KIF26B: variants seen among roughly 807,000 people sequenced by gnomAD.
KIF26B encodes the protein kinesin family member 26B, also known as kinesin-like protein KIF26B.
Under a neutral mutation model 151.2 loss-of-function variants are expected in KIF26B, and 63 were observed. The observed-to-expected ratio is 0.42, with a 90% CI of 0.34 to 0.51. The LOEUF (loss-of-function observed/expected upper bound fraction) is 0.51. Among genes scored for constraint, KIF26B ranks in the 20% least tolerant of loss-of-function variants. The pLI is 0.07. For synonymous variants in KIF26B, 1,357 were observed against 1,262.1 expected (o/e 1.08, Z -1.59); for missense variants, 2,813 against 2,913.6 (o/e 0.97, Z 0.79).
At chr1:245,401,549 C>T (rs1674000711) in intron 3 of KIF26B, among the ~76,000 whole-genome samples, 1 of 152,190 alleles carries the variant, frequency 6.6e-6, no homozygotes, top group South Asian at 2.1e-4. Context: ...GTTCTTATTA[C>T]TCCAGCTTCC....
At position 245,605,802 on chromosome 1, in the gene KIF26B, G is replaced by A. The variant is rs187923626; in HGVS notation, c.1558-1849G>A. 2.5e-3 allele frequency among the ~76,000 whole-genome samples: 386 copies of A among 152,254 alleles called. 2 individuals are homozygous for A. Among genetic ancestry groups the A allele is most frequent in the Non-Finnish European group, 4.1e-3 (281 of 68,002 alleles). On this transcript the variant is annotated intron_variant, in intron 6 of 14. Coordinates refer to ENST00000407071, the MANE Select transcript of KIF26B (RefSeq NM_018012.4). The stretch of plus-strand genomic sequence containing the variant: ...GCTCTTCTCAGTGGAGAGCCGGGTG[G>A]GAACTGTGCCAGGGGATGCCGCCCC...
chr1:245,537,232 C>G (rs1661507990), intron 4 of KIF26B, among the ~76,000 whole-genome samples: 1 of 152,178 alleles, frequency 6.6e-6, no homozygotes, highest in African/African-American at 2.4e-5. Flanking sequence ...GACTCAAGAG[C>G]CTGTGCAAAG....
intron 4 of KIF26B, among the ~76,000 whole-genome samples, chr1:245,442,761 C>G (rs987598983): frequency 7.6e-6 from 1 of 131,608 alleles, no homozygotes; most frequent in Non-Finnish European, 1.6e-5. Context: ...TCACCTACAG[C>G]GGTCATCTCC....
chr1:245,160,612 A>G (rs550759980), intron 2 of KIF26B, among the ~76,000 whole-genome samples: 1 of 152,282 alleles, frequency 6.6e-6, no homozygotes, highest in East Asian at 1.9e-4. Flanking sequence ...AGGTTATCAG[A>G]CATCTGTTCA....
chr1:245,263,419 A>C (rs1432952001), intron 2 of KIF26B, among the ~76,000 whole-genome samples: 10 of 152,174 alleles, frequency 6.6e-5, no homozygotes, highest in Non-Finnish European at 1.2e-4. Flanking sequence ...CTCACTCAGT[A>C]GTCATAATGT....
At chr1:245,155,672 GCT>G (rs896026560) in intron 1 of KIF26B, among the ~76,000 whole-genome samples, 185 bp downstream of exon 1, 2 of 152,214 alleles carry the variant, frequency 1.3e-5, no homozygotes, top group Non-Finnish European at 2.9e-5. Context: ...CGCTCGCCTC[GCT>G]CTCGGAATTT....
At chr1:245,277,486 G>A (rs1347235958) in intron 2 of KIF26B, among the ~76,000 whole-genome samples, 1 of 152,202 alleles carries the variant, frequency 6.6e-6, no homozygotes, top group African/African-American at 2.4e-5. Context: ...CCCTGCAGGT[G>A]CCCTGTGGGC....
chr1:245,279,256 C>T (rs1573748733), intron 2 of KIF26B, among the ~76,000 whole-genome samples: 2 of 151,866 alleles, frequency 1.3e-5, no homozygotes, highest in East Asian at 3.9e-4. Flanking sequence ...GGCACTCACA[C>T]TCATCAGCAG....
At chr1:245,161,557 T>C (rs1203359189) in intron 2 of KIF26B, among the ~76,000 whole-genome samples, 2 of 152,260 alleles carry the variant, frequency 1.3e-5, no homozygotes, top group African/African-American at 2.4e-5. Context: ...GGGCCAACAA[T>C]AGCGATGATA....
At chr1:245,314,926 AT>A (rs1671734992) in intron 2 of KIF26B, among the ~76,000 whole-genome samples, 1 of 152,228 alleles carries the variant, frequency 6.6e-6, no homozygotes, top group South Asian at 2.1e-4. Context: ...CACGCCTGTA[AT>A]CCCAGCACTT....
In KIF26B at chr1:245,607,667, G is replaced by A. The variant is rs768486000; in HGVS notation, c.1574G>A (p.Gly525Asp). Residue 525 changes from glycine to aspartate, a missense_variant, in exon 7 of 15, where the codon GGC (glycine) becomes GAC (aspartate). Around this residue, in one of 3 missense-constraint regions of KIF26B, gnomAD observed 77 missense variants for 136.9 expected, o/e 0.56. Coordinates refer to ENST00000407071, the MANE Select transcript of KIF26B (RefSeq NM_018012.4). ...GTCTGACAGGCTGAAGTGTGTGCAG[G>A]CACCGTGGCAGAGGTGATCCAGTCT... ...QDASQAEVCAGTVAEVIQSVV... is the reference protein window; with the variant it reads ...QDASQAEVCADTVAEVIQSVV... 8 of 1,611,614 alleles carry A rather than the reference G, an allele frequency of 5.0e-6. No individual in the cohort carries two copies. Among genetic ancestry groups the A allele is most frequent in the Non-Finnish European group, 6.8e-6 (8 of 1,179,004 alleles).
At chr1:245,677,030 C>G (rs529896176) in intron 10 of KIF26B, among the ~76,000 whole-genome samples, 1 of 152,192 alleles carries the variant, frequency 6.6e-6, no homozygotes, top group Non-Finnish European at 1.5e-5. Flanking sequence ...CTGCTTGCAC[C>G]TCAGGGTTCT....
At chr1:245,394,879 A>G (rs1673792935) in intron 3 of KIF26B, among the ~76,000 whole-genome samples, 1 of 151,920 alleles carries the variant, frequency 6.6e-6, no homozygotes, top group African/African-American at 2.4e-5. Flanking sequence ...TATAGTAGAG[A>G]TGGGATTTCA....
chr1:245,519,744 G>A (rs906881675), intron 4 of KIF26B, among the ~76,000 whole-genome samples: 6 of 152,234 alleles, frequency 3.9e-5, no homozygotes, highest in African/African-American at 1.4e-4. Context: ...GTACTGAATA[G>A]TGTAGCCATT....
Position 245,540,802 on chromosome 1 carries a change from A to C in KIF26B, c.1202A>C (p.Lys401Thr). 1 of 1,614,034 alleles carries C rather than the reference A, an allele frequency of 6.2e-7. No homozygotes were observed. Among genetic ancestry groups the C allele is most frequent in the South Asian group, 1.1e-5 (1 of 91,086 alleles). The stretch of plus-strand genomic sequence containing the variant: ...AAGTTAAATCTGTCTTCTAAAAAGA[A>C]GAAACATCGGCCTTCCACTTCTTCC... ...AQKLNLSSKK[K>T]KHRPSTSSAA... Residue 401 changes from lysine to threonine, a missense_variant, in exon 5 of 15, where the codon AAG becomes ACG. Lys to Thr is a moderately conservative substitution (Grantham distance 78, BLOSUM62 -1). Coordinates refer to ENST00000407071, the MANE Select transcript of KIF26B (RefSeq NM_018012.4). The surrounding 1 kb of genome is among the most constrained non-coding windows in gnomAD (Gnocchi z 4.6).
At chr1:245,696,945 A>G (rs374441546) in intron 12 of KIF26B, among the ~76,000 whole-genome samples, 2 of 152,152 alleles carry the variant, frequency 1.3e-5, no homozygotes, top group South Asian at 2.1e-4. Flanking sequence ...CCCTGTCTCT[A>G]CTAAAAATAC....
intron 9 of KIF26B, among the ~76,000 whole-genome samples, chr1:245,612,623 C>A (rs1475223640): frequency 6.6e-6 from 1 of 152,136 alleles, no homozygotes; most frequent in Non-Finnish European, 1.5e-5. Context: ...TCACAGACCT[C>A]AAAAATGCTC....
At chr1:245,207,932 AAG>A (rs1178169491) in intron 2 of KIF26B, among the ~76,000 whole-genome samples, 2 of 152,198 alleles carry the variant, frequency 1.3e-5, no homozygotes, top group African/African-American at 2.4e-5. Context: ...AGTATCAGAG[AAG>A]AGAGTAGCTT....
chr1:245,581,980 C>T (rs954575139), intron 5 of KIF26B, among the ~76,000 whole-genome samples: 5 of 129,704 alleles, frequency 3.9e-5, no homozygotes, highest in African/African-American at 1.7e-4. Context: ...AAGCAATAAG[C>T]ATGAAGTGGC....
Sources: allele counts gnomAD v4.1 joint callset (sites outside exome capture counted in the v4.1 genomes callset), GRCh38; gene constraint gnomAD v4.1.1; regional missense constraint gnomAD v4.1.1; non-coding constraint Gnocchi (gnomAD v3.1); transcripts MANE v1.5; gene names NCBI Gene and HGNC (gene_info 2026-07-23, HGNC 2026-07-21).